The following NLGN1 variants were observed in gnomAD, a reference collection of about 807,000 sequenced individuals.
NLGN1 encodes neuroligin-1.
A neutral mutation model predicts 65.5 loss-of-function variants in NLGN1; 12 were observed. The ratio of observed to expected loss-of-function variants is 0.18; its 90% CI spans 0.12 to 0.30. NLGN1 has a LOEUF of 0.30. Ranked by LOEUF, NLGN1 falls within the 10% of genes least tolerant of loss-of-function variation. The probability of loss-of-function intolerance (pLI) is 1.00; values close to 1 mark genes in which losing one functional copy is unlikely to be tolerated. For synonymous variants in NLGN1, 350 were observed against 359.5 expected (o/e 0.97, Z 0.30); for missense variants, 750 against 1,007.1 (o/e 0.74, Z 3.46).
chr3:174,282,947 A>G (rs914904688), exon 7 of NLGN1: 2 of 152,056 alleles, frequency 1.3e-5, no homozygotes, highest in Non-Finnish European at 3.0e-5. Context: ...AAAGATTATT[A>G]TACAAAAAAT....
At chr3:173,401,898 C>A (rs1560201848) in intron 1 of NLGN1, among the ~76,000 whole-genome samples, 3 of 152,024 alleles carry the variant, frequency 2.0e-5, no homozygotes, top group Non-Finnish European at 4.4e-5. Context: ...GATATTTTTC[C>A]TTTTGATGAT....
chr3:174,036,522 G>A (rs578103445), intron 4 of NLGN1, among the ~76,000 whole-genome samples: 28 of 151,798 alleles, frequency 1.8e-4, no homozygotes, highest in African/African-American at 6.8e-4. Flanking sequence ...GAGATAGTAG[G>A]GAACAACCCA....
intron 3 of NLGN1, among the ~76,000 whole-genome samples, chr3:173,610,362 A>G (rs1427565425): frequency 6.6e-6 from 1 of 151,922 alleles, no homozygotes; most frequent in Non-Finnish European, 1.5e-5. Context: ...ATTTGAGGTG[A>G]CCCTTAGACA....
At chr3:173,953,777 C>T (rs1748674519) in intron 4 of NLGN1, among the ~76,000 whole-genome samples, 1 of 152,104 alleles carries the variant, frequency 6.6e-6, no homozygotes, top group African/African-American at 2.4e-5. Flanking sequence ...CTCCTGGACT[C>T]AAGCTATCCT....
intron 4 of NLGN1, among the ~76,000 whole-genome samples, chr3:174,042,856 C>T (rs950263844): frequency 4.6e-5 from 7 of 152,134 alleles, no homozygotes; most frequent in African/African-American, 1.7e-4. Context: ...AAAAATGGCT[C>T]TCCCAACCAG....
At chr3:174,096,057 G>C (rs922575675) in intron 4 of NLGN1, among the ~76,000 whole-genome samples, 4 of 151,468 alleles carry the variant, frequency 2.6e-5, no homozygotes, top group Non-Finnish European at 5.9e-5. Flanking sequence ...ACACCATCAT[G>C]AGCCTTATAT....
chr3:173,894,287 A>G (rs973296355), intron 4 of NLGN1, among the ~76,000 whole-genome samples: 1 of 152,184 alleles, frequency 6.6e-6, no homozygotes, highest in Non-Finnish European at 1.5e-5. Context: ...GGTCGAACCA[A>G]TGAAGCACCG....
chr3:174,070,583 G>C lies in NLGN1; in HGVS notation c.647-204732G>C, dbSNP rs571413502. On this transcript the variant is annotated intron_variant, in intron 4 of 6. Coordinates refer to ENST00000457714, the Ensembl canonical transcript of NLGN1. Reference sequence around the variant, plus strand: ...CTGACCTTGTGATCTGCCCACCTCAGCAATCCAAAGTGTTGGGATTACAGG... The same window carrying C: ...CTGACCTTGTGATCTGCCCACCTCACCAATCCAAAGTGTTGGGATTACAGG... Among the ~76,000 whole-genome samples, 12 of 152,154 alleles carry C rather than the reference G, an allele frequency of 7.9e-5. No homozygotes were observed. In the South Asian group the frequency reaches 2.5e-3, roughly 32 times the overall value.
intron 1 of NLGN1, among the ~76,000 whole-genome samples, chr3:173,406,035 A>G (rs1718583914): frequency 6.6e-6 from 1 of 152,160 alleles, no homozygotes; most frequent in Admixed American, 6.5e-5. Context: ...ATATAACTTT[A>G]AGATTTATTG....
At chr3:173,742,060 C>G (rs1774735336) in intron 3 of NLGN1, among the ~76,000 whole-genome samples, 1 of 152,090 alleles carries the variant, frequency 6.6e-6, no homozygotes, top group African/African-American at 2.4e-5. Flanking sequence ...GTGATGTTCT[C>G]TATTTTTTTC....
chr3:173,989,600 A>G (rs1211378456), intron 4 of NLGN1, among the ~76,000 whole-genome samples: 3 of 152,216 alleles, frequency 2.0e-5, no homozygotes, highest in Non-Finnish European at 2.9e-5. Context: ...CTCACTCACT[A>G]TAATAGATGG....
Position 174,171,599 on chromosome 3 carries a change from T to C in NLGN1, c.647-103716T>C, listed in dbSNP as rs188024986. 2.9e-4 allele frequency among the ~76,000 whole-genome samples: 44 copies of C among 152,316 alleles called. No homozygotes were observed. In the East Asian group the frequency reaches 3.1e-3, roughly 11 times the overall value. ...TAAATATTAAAGTCTTTAATTTCCT[T>C]CTGAGGCTGCTAATAAAATTGGGTA... On this transcript the variant is annotated intron_variant, in intron 4 of 6. Coordinates refer to ENST00000457714, the Ensembl canonical transcript of NLGN1.
chr3:173,401,293 T>C (rs936156066), intron 1 of NLGN1, among the ~76,000 whole-genome samples: 2 of 150,748 alleles, frequency 1.3e-5, no homozygotes, highest in African/African-American at 4.9e-5. Flanking sequence ...AGAGGTCAGA[T>C]TGTCCCAGGC....
At chr3:173,461,187 A>G (rs7643195) in intron 2 of NLGN1, among the ~76,000 whole-genome samples, 2 of 151,878 alleles carry the variant, frequency 1.3e-5, no homozygotes, top group Admixed American at 6.6e-5. Flanking sequence ...CTGTCCATGC[A>G]TGGCCGAAAT....
At chr3:174,266,811 TATAA>T (rs1001453012) in intron 4 of NLGN1, among the ~76,000 whole-genome samples, 1 of 152,212 alleles carries the variant, frequency 6.6e-6, no homozygotes, top group African/African-American at 2.4e-5. Context: ...TTTTGTATAT[TATAA>T]ATATTTAACT....
chr3:173,611,974 C>T (rs548722424), intron 3 of NLGN1, among the ~76,000 whole-genome samples: 50 of 151,942 alleles, frequency 3.3e-4, no homozygotes, highest in African/African-American at 1.1e-3. Flanking sequence ...ATATGGCATT[C>T]GATGAGCTTA....
At chr3:174,064,831 G>GTT (rs2152523723) in intron 4 of NLGN1, among the ~76,000 whole-genome samples, 2 of 150,104 alleles carry the variant, frequency 1.3e-5, no homozygotes, top group South Asian at 4.2e-4. Flanking sequence ...AGAATGTAAG[G>GTT]TTATATATAT....
chr3:173,705,255 A>G (rs1038185995), intron 3 of NLGN1, among the ~76,000 whole-genome samples: 1 of 152,198 alleles, frequency 6.6e-6, no homozygotes, highest in African/African-American at 2.4e-5. Context: ...ATGAACTTGC[A>G]GGATCCACAG....
chr3:173,929,131 A>T (rs1743572668), intron 4 of NLGN1, among the ~76,000 whole-genome samples: 1 of 152,192 alleles, frequency 6.6e-6, no homozygotes, highest in Non-Finnish European at 1.5e-5. Flanking sequence ...GAAAAATTAG[A>T]TATATTCCAT....
Sources: gnomAD v4.1 joint callset for allele counts (sites outside exome capture counted in the v4.1 genomes callset) on GRCh38, gnomAD v4.1.1 for gene constraint, MANE v1.5 for transcripts, NCBI Gene and HGNC (gene_info 2026-07-23, HGNC 2026-07-21) for gene names.